Variants in NCKAP5 observed in about 807,000 individuals in gnomAD.
NCKAP5 encodes the protein NCK associated protein 5, also known as nck-associated protein 5.
Under a neutral mutation model 167.0 loss-of-function variants are expected in NCKAP5, and 92 were observed. The observed-to-expected ratio is 0.55, with a 90% CI of 0.47 to 0.66. The LOEUF (loss-of-function observed/expected upper bound fraction) is 0.66. Ranked by LOEUF, NCKAP5 falls within the 30% of genes least tolerant of loss-of-function variation. The probability of loss-of-function intolerance (pLI) is 0.00; values close to 1 mark genes in which losing one functional copy is unlikely to be tolerated. For missense variants in NCKAP5, 2,378 were observed against 2,315.0 expected (o/e 1.03, Z -0.56); for synonymous variants, 891 against 877.4 (o/e 1.02, Z -0.27).
the NCKAP5 span, among the ~76,000 whole-genome samples, chr2:133,640,915 T>A: frequency 6.6e-6 from 1 of 152,182 alleles, no homozygotes; most frequent in Non-Finnish European, 1.5e-5. Flanking sequence ...TAAGAATCCA[T>A]GACATACTTT....
rs532609717 is a variant in NCKAP5 at position 133,500,408 on chromosome 2, A to T, written c.69+17050T>A. On this transcript the variant is annotated intron_variant, in intron 3 of 19. Coordinates refer to ENST00000409261, the MANE Select transcript of NCKAP5 (RefSeq NM_207363.3). The stretch of plus-strand genomic sequence containing the variant: ...TCATCACACCAGAGACACTGCTCCA[A>T]TAACACGTGTCTTTCTGCTGCAGCA... Among the ~76,000 whole-genome samples, 136 of 152,324 alleles carry T rather than the reference A, an allele frequency of 8.9e-4. 1 individual carries two copies. Among genetic ancestry groups the T allele is most frequent in the African/African-American group, 3.1e-3 (129 of 41,582 alleles).
chr2:132,907,037 T>C (rs1558926760), intron 8 of NCKAP5, among the ~76,000 whole-genome samples: 1 of 152,242 alleles, frequency 6.6e-6, no homozygotes, highest in African/African-American at 2.4e-5. Context: ...AAAATCATTG[T>C]TGTTGAAATT....
At chr2:133,004,391 C>G (rs13414608) in intron 6 of NCKAP5, among the ~76,000 whole-genome samples, 109,766 of 151,938 alleles carry the variant, frequency 0.72, 39,924 homozygotes, top group Middle Eastern at 0.83. Flanking sequence ...GTGTTGGCCG[C>G]TCTGAGAAAT....
At chr2:132,976,179 T>C (rs1467774828) in intron 7 of NCKAP5, among the ~76,000 whole-genome samples, 1 of 152,080 alleles carries the variant, frequency 6.6e-6, no homozygotes, top group East Asian at 1.9e-4. Flanking sequence ...CTAAAGAAGA[T>C]GAACTCAGAA....
At chr2:133,382,221 G>A (rs7573164) in intron 3 of NCKAP5, among the ~76,000 whole-genome samples, 37,104 of 151,860 alleles carry the variant, frequency 0.24, 4,683 homozygotes, top group African/African-American at 0.25. Context: ...AGATGTCTTG[G>A]GGATCATCCT....
At chr2:133,309,334 G>C (rs927583236) in intron 3 of NCKAP5, among the ~76,000 whole-genome samples, 16 of 152,102 alleles carry the variant, frequency 1.1e-4, no homozygotes, top group African/African-American at 3.1e-4. Context: ...TAGAAAGCTT[G>C]ATCTGAAATA....
Position 132,784,775 on chromosome 2 carries a change from A to G in NCKAP5, c.2036T>C (p.Ile679Thr), listed in dbSNP as rs1558772506. The G allele has an allele frequency of 1.2e-6, 2 of 1,611,152 alleles. No individual in the cohort carries two copies. The highest frequency in any genetic ancestry group is 1.7e-6 in the Non-Finnish European group (2 of 1,178,298). ...VIFDAEDGEP[I>T]EFSSHQTGVV... ...CCCAGTCTGGTGAGAGCTGAATTCA[A>G]TGGGCTCACCGTCTTCCGCATCAAA... Residue 679 changes from isoleucine (I) to threonine (T), a missense_variant, in exon 14 of 20, where the codon ATT (isoleucine) becomes ACT (threonine). Physicochemically the swap from Ile to Thr is moderately conservative, Grantham distance 89. Coordinates refer to ENST00000409261, the MANE Select transcript of NCKAP5 (RefSeq NM_207363.3).
At chr2:132,699,450 G>A (rs56924796) in intron 19 of NCKAP5, among the ~76,000 whole-genome samples, 5,035 of 151,954 alleles carry the variant, frequency 0.033, 271 homozygotes, top group African/African-American at 0.11. Context: ...CTTTACATTA[G>A]GTATATCTCC....
chr2:132,875,350 C>T (rs1000372062), intron 9 of NCKAP5, among the ~76,000 whole-genome samples: 1 of 152,178 alleles, frequency 6.6e-6, no homozygotes, highest in African/African-American at 2.4e-5. Context: ...ATTCTGCCCC[C>T]TCCTCTGCTC....
At chr2:132,948,855 C>T (rs1453684019) in intron 8 of NCKAP5, among the ~76,000 whole-genome samples, 1 of 152,000 alleles carries the variant, frequency 6.6e-6, no homozygotes, top group Non-Finnish European at 1.5e-5. Context: ...AGGTCTAAAG[C>T]CTAAAACACC....
In NCKAP5 at chr2:133,341,065, C is replaced by T. The variant is rs988989403; in HGVS notation, c.70-37955G>A. Reference sequence around the variant, plus strand: ...TGACATTTTTTAACCATTGTCAATTCCATTAATTCTATTTACCTGTGAATG... The same window carrying T: ...TGACATTTTTTAACCATTGTCAATTTCATTAATTCTATTTACCTGTGAATG... On this transcript the variant is annotated intron_variant, in intron 3 of 19. Coordinates refer to ENST00000409261, the MANE Select transcript of NCKAP5 (RefSeq NM_207363.3). Among the ~76,000 whole-genome samples, 15 of 152,196 alleles carry T rather than the reference C, an allele frequency of 9.9e-5. No individual in the cohort carries two copies. In the East Asian group the frequency reaches 2.3e-3, roughly 24 times the overall value.
chr2:133,227,278 C>T (rs2086937477), intron 4 of NCKAP5, among the ~76,000 whole-genome samples: 1 of 152,198 alleles, frequency 6.6e-6, no homozygotes, highest in Admixed American at 6.5e-5. Context: ...CACAGGCACA[C>T]ATAATCTCAG....
At chr2:133,395,054 G>C (rs1687651359) in intron 3 of NCKAP5, among the ~76,000 whole-genome samples, 1 of 152,190 alleles carries the variant, frequency 6.6e-6, no homozygotes. Flanking sequence ...TCATTTATGA[G>C]ACACCAGTTA....
At chr2:133,112,539 C>A (rs1298600616) in intron 6 of NCKAP5, among the ~76,000 whole-genome samples, 1 of 152,020 alleles carries the variant, frequency 6.6e-6, no homozygotes, top group African/African-American at 2.4e-5. Flanking sequence ...CAGAGGCCTG[C>A]AATCACACAC....
intron 11 of NCKAP5, among the ~76,000 whole-genome samples, chr2:132,815,661 T>G (rs1463276997): frequency 6.6e-6 from 1 of 152,186 alleles, no homozygotes; most frequent in Non-Finnish European, 1.5e-5. Flanking sequence ...AAAAATTTAG[T>G]CATTGTGTAA....
At chr2:133,116,983 A>G (rs2149741814) in intron 6 of NCKAP5, 1 of 152,314 alleles carries the variant, frequency 6.6e-6, no homozygotes, top group South Asian at 2.1e-4. Flanking sequence ...AGACAGTATG[A>G]ATAATGGTTA....
intron 4 of NCKAP5, among the ~76,000 whole-genome samples, chr2:133,257,857 C>G (rs1409961052): frequency 6.6e-6 from 1 of 152,178 alleles, no homozygotes; most frequent in African/African-American, 2.4e-5. Context: ...TGTGCCCACT[C>G]TCCTTTCAGA....
At chr2:132,832,592 A>G (rs753020134) in intron 11 of NCKAP5, among the ~76,000 whole-genome samples, 1 of 152,080 alleles carries the variant, frequency 6.6e-6, no homozygotes, top group Non-Finnish European at 1.5e-5. Context: ...ATATATTTTA[A>G]CACCCACTTA....
chr2:133,544,020 G>T (rs931715625), intron 2 of NCKAP5, among the ~76,000 whole-genome samples: 1 of 152,184 alleles, frequency 6.6e-6, no homozygotes, highest in Non-Finnish European at 1.5e-5. Context: ...ACTGAGCAAT[G>T]GATTTCTTTG....
Sources: gnomAD v4.1 joint callset for allele counts (sites outside exome capture counted in the v4.1 genomes callset) on GRCh38, gnomAD v4.1.1 for gene constraint, MANE v1.5 for transcripts, NCBI Gene and HGNC (gene_info 2026-07-23, HGNC 2026-07-21) for gene names.